The following CLASP1 variants were observed in gnomAD, a reference collection of about 807,000 sequenced individuals.
The protein encoded by CLASP1 is cytoplasmic linker associated protein 1, also known as CLIP-associating protein 1.
A neutral mutation model predicts 192.3 loss-of-function variants in CLASP1; 38 were observed. The ratio of observed to expected loss-of-function variants is 0.20; its 90% CI spans 0.15 to 0.26. CLASP1 has a LOEUF of 0.26. Ranked by LOEUF, CLASP1 falls within the 10% of genes least tolerant of loss-of-function variation. The pLI, the probability that CLASP1 is intolerant of heterozygous loss-of-function variation, is 1.00. For missense variants in CLASP1, 1,433 were observed against 1,932.5 expected (o/e 0.74, Z 4.85); for synonymous variants, 691 against 712.8 (o/e 0.97, Z 0.49).
At chr2:121,454,441 G>A (rs1156586308) in intron 14 of CLASP1, among the ~76,000 whole-genome samples, 1 of 152,148 alleles carries the variant, frequency 6.6e-6, no homozygotes, top group Non-Finnish European at 1.5e-5. Context: ...TGAACTTCCA[G>A]CCTCTAGGCC....
rs143079823 is a variant in CLASP1 at position 121,523,739 on chromosome 2, T to C, written c.546+2106A>G. Reference sequence around the variant, plus strand: ...ATGAGGCATTTCCTTCACTTTCCTCTGGAGGATGTGGTCCGCCTCAGTTGC... The same window carrying C: ...ATGAGGCATTTCCTTCACTTTCCTCCGGAGGATGTGGTCCGCCTCAGTTGC... On this transcript the variant is annotated intron_variant, in intron 6 of 39. Transcript: ENST00000263710. 4.7e-3 allele frequency among the ~76,000 whole-genome samples: 715 copies of C among 152,330 alleles called. 5 individuals carry two copies. The highest frequency in any genetic ancestry group is 0.01 in the Middle Eastern group (3 of 294).
At chr2:121,524,480 A>G (rs1011194129) in intron 6 of CLASP1, among the ~76,000 whole-genome samples, 6 of 151,804 alleles carry the variant, frequency 4.0e-5, no homozygotes, top group African/African-American at 1.5e-4. Context: ...TTTTAAAGAA[A>G]AAGTCTTGCT....
rs537101039 is a variant in CLASP1, at chr2:121,395,577, T to G, written c.3123+1563A>C. Among the ~76,000 whole-genome samples the G allele has an allele frequency of 3.7e-4, 57 of 152,326 alleles. No individual in the cohort carries two copies. The South Asian group carries it at 8.1e-3, about 22-fold the overall frequency. The stretch of plus-strand genomic sequence containing the variant: ...CTGTTCCCAGACAAATCTCATTTCT[T>G]AAACATGACTACTGTCCTTTCCCTA... On this transcript the variant is annotated intron_variant, in intron 30 of 39. Transcript: ENST00000263710.
intron 2 of CLASP1, among the ~76,000 whole-genome samples, chr2:121,599,849 G>A (rs1159583082): frequency 6.8e-6 from 1 of 146,840 alleles, no homozygotes; most frequent in Non-Finnish European, 1.5e-5. Context: ...GAACCAGGAA[G>A]CAAAGGTAAC....
chr2:121,425,110 G>A (rs770739251), intron 22 of CLASP1, 29 bp downstream of exon 22: 3 of 1,571,544 alleles, frequency 1.9e-6, no homozygotes, highest in Non-Finnish European at 2.6e-6. Context: ...AGCTGGGAAT[G>A]GTATTCCAAG....
At chr2:121,471,423 TA>T (rs921103615) in intron 8 of CLASP1, among the ~76,000 whole-genome samples, 19 of 151,826 alleles carry the variant, frequency 1.3e-4, no homozygotes, top group East Asian at 7.7e-4. Context: ...GTAATTTAAA[TA>T]AAAAAAACAA....
chr2:121,541,622 G>A (rs1368520186), intron 2 of CLASP1, among the ~76,000 whole-genome samples: 2 of 151,892 alleles, frequency 1.3e-5, no homozygotes. Context: ...AACTTCAAAC[G>A]TCAGCCTCGG....
chr2:121,485,559 A>C (rs1235982608), intron 8 of CLASP1, among the ~76,000 whole-genome samples: 3 of 152,072 alleles, frequency 2.0e-5, no homozygotes, highest in Non-Finnish European at 4.4e-5. Context: ...TTTCCTTCAA[A>C]TTTTGTATTT....
chr2:121,617,253 A>T (rs2066622281), intron 1 of CLASP1, among the ~76,000 whole-genome samples: 1 of 148,636 alleles, frequency 6.7e-6, no homozygotes, highest in Non-Finnish European at 1.5e-5. Flanking sequence ...AGATGACAAC[A>T]ACTCCTCCTT....
chr2:121,591,243 A>G (rs1269556072), intron 2 of CLASP1, among the ~76,000 whole-genome samples: 2 of 152,232 alleles, frequency 1.3e-5, no homozygotes, highest in Non-Finnish European at 2.9e-5. Context: ...GAACTTGGAC[A>G]TCTTTTTTTA....
At chr2:121,563,236 T>G (rs1483224198) in intron 2 of CLASP1, among the ~76,000 whole-genome samples, 1 of 152,212 alleles carries the variant, frequency 6.6e-6, no homozygotes, top group Non-Finnish European at 1.5e-5. Flanking sequence ...TCTCCACTTT[T>G]TTCATAGGAT....
exon 32 of CLASP1, chr2:121,387,160 G>A (rs751774470): frequency 3.1e-6 from 5 of 1,613,722 alleles, no homozygotes; most frequent in Non-Finnish European, 4.2e-6. Context: ...TGGTGGGTGA[G>A]GTCAGGGGGC....
chr2:121,514,847 G>T (rs1198915030), intron 7 of CLASP1, among the ~76,000 whole-genome samples: 1 of 152,198 alleles, frequency 6.6e-6, no homozygotes, highest in Non-Finnish European at 1.5e-5. Flanking sequence ...CAGAAGAACA[G>T]GGTTTTGAAC....
At chr2:121,403,751 A>C (rs778058334) in intron 26 of CLASP1, 1 of 468,742 alleles carries the variant, frequency 2.1e-6, no homozygotes, top group Non-Finnish European at 4.3e-6. Flanking sequence ...TCCCATACTC[A>C]TGGGCATTTC....
At chr2:121,403,367 T>C (rs1467041412) in intron 26 of CLASP1, 1 of 456,066 alleles carries the variant, frequency 2.2e-6, no homozygotes, top group Non-Finnish European at 4.4e-6. Context: ...ACTGGGTGAA[T>C]GAATGGGTGG....
chr2:121,520,788 T>A (rs2094439836), intron 6 of CLASP1, among the ~76,000 whole-genome samples: 1 of 152,176 alleles, frequency 6.6e-6, no homozygotes. Context: ...TGGCTGCCTC[T>A]GTTACAGCCA....
At chr2:121,482,849 C>T (rs1391286102) in intron 8 of CLASP1, among the ~76,000 whole-genome samples, 1 of 152,174 alleles carries the variant, frequency 6.6e-6, no homozygotes, top group Non-Finnish European at 1.5e-5. Flanking sequence ...TAAGGACCAT[C>T]ATTTCCAGAC....
At chr2:121,461,733 T>G (rs1464061186) in intron 10 of CLASP1, among the ~76,000 whole-genome samples, 1 of 151,998 alleles carries the variant, frequency 6.6e-6, no homozygotes, top group Non-Finnish European at 1.5e-5. Context: ...CAGGATGGAG[T>G]GCAGTGGCGC....
chr2:121,614,462 C>T (rs79673714), intron 1 of CLASP1, among the ~76,000 whole-genome samples: 9 of 152,058 alleles, frequency 5.9e-5, no homozygotes, highest in African/African-American at 2.2e-4. Context: ...CACCACTGCA[C>T]TCCAGTTGGG....
Sources: gnomAD v4.1 joint callset for allele counts (sites outside exome capture counted in the v4.1 genomes callset) on GRCh38, gnomAD v4.1.1 for gene constraint, MANE v1.5 for transcripts, NCBI Gene and HGNC (gene_info 2026-07-23, HGNC 2026-07-21) for gene names.